The following GARNL3 variants were observed in gnomAD, a reference collection of about 807,000 sequenced individuals.
The protein encoded by GARNL3 is GTPase-activating Rap/Ran-GAP domain-like protein 3.
A neutral mutation model predicts 125.0 loss-of-function variants in GARNL3; 63 were observed. The ratio of observed to expected loss-of-function variants is 0.50; its 90% CI spans 0.41 to 0.62. GARNL3 has a LOEUF of 0.62. GARNL3 is among the 20% of genes least tolerant of loss of function. GARNL3 has a pLI of 0.00. For synonymous variants in GARNL3, 439 were observed against 457.5 expected, an observed-to-expected ratio of 0.96 and a Z score of 0.52; for missense variants, 994 against 1,244.0, an observed-to-expected ratio of 0.80 and a Z score of 3.02.
At chr9:127,299,716 A>G (rs1588795724) in intron 2 of GARNL3, among the ~76,000 whole-genome samples, 2 of 152,182 alleles carry the variant, frequency 1.3e-5, no homozygotes, top group Non-Finnish European at 2.9e-5. Context: ...GACTACAGGC[A>G]CCAGCCACCA....
chr9:127,270,007 C>A (rs909718643), intron 1 of GARNL3, among the ~76,000 whole-genome samples: 1 of 152,108 alleles, frequency 6.6e-6, no homozygotes, highest in Admixed American at 6.5e-5. Context: ...GAAATTATTG[C>A]TAAATTCAAT....
chr9:127,345,673 T>C lies in GARNL3; in HGVS notation c.1431+196T>C, dbSNP rs577935417. On this transcript the variant is annotated intron_variant, in intron 16 of 27. Transcript: ENST00000373387. ...GTGTTGCCATGGTATGCACATGCCT[T>C]CACCTGCTTCAATGGAGCAGAGCTG... Among the ~76,000 whole-genome samples, 4 of 152,334 alleles carry C rather than the reference T, an allele frequency of 2.6e-5. No homozygotes were observed. In the South Asian group the frequency reaches 8.3e-4, roughly 32 times the overall value.
At chr9:127,243,267 G>A in intron 2 of GARNL3, 1 of 1,365,896 alleles carries the variant, frequency 7.3e-7, no homozygotes. Context: ...AGTAAAAGAA[G>A]CATCATCTCA....
At chr9:127,267,942 C>T (rs2063738542) in intron 1 of GARNL3, among the ~76,000 whole-genome samples, 1 of 152,168 alleles carries the variant, frequency 6.6e-6, no homozygotes, top group African/African-American at 2.4e-5. Context: ...GAAGCTCGGC[C>T]ATTCATATCA....
At chr9:127,338,490 A>G (rs1167518889) in intron 12 of GARNL3, among the ~76,000 whole-genome samples, 2 of 152,214 alleles carry the variant, frequency 1.3e-5, no homozygotes, top group African/African-American at 4.8e-5. Context: ...TAATCTGTTA[A>G]AAGGTATTAT....
intron 4 of GARNL3, among the ~76,000 whole-genome samples, chr9:127,316,228 C>A (rs923731044): frequency 6.6e-6 from 1 of 152,146 alleles, no homozygotes; most frequent in Non-Finnish European, 1.5e-5. Context: ...TTCCCCCGAG[C>A]TGCCCTTGGC....
At chr9:127,331,722 T>TGC (rs1190049659) in intron 7 of GARNL3, among the ~76,000 whole-genome samples, 3 of 140,896 alleles carry the variant, frequency 2.1e-5, no homozygotes, top group African/African-American at 8.1e-5. Context: ...TGGGCTTGCT[T>TGC]TTTTTTTTTT....
Position 127,384,801 on chromosome 9 carries a change from T to C in GARNL3, c.2270-226T>C, listed in dbSNP as rs1293054293. ...AAAATGGCAGCAAGCATGGTGACAG[T>C]GCACACCTCCTGGGAGGCGCAGTGT... On this transcript the variant is annotated intron_variant, in intron 23 of 27. Transcript: ENST00000373387. The surrounding 1 kb of genome is among the most constrained non-coding windows in gnomAD (Gnocchi z 4.0). Among the ~76,000 whole-genome samples, 1 of 152,112 alleles carries C rather than the reference T, an allele frequency of 6.6e-6. No individual in the cohort carries two copies. Among genetic ancestry groups the C allele is most frequent in the Non-Finnish European group, 1.5e-5 (1 of 68,006 alleles).
At chr9:127,279,790 C>CA (rs936579792) in intron 1 of GARNL3, among the ~76,000 whole-genome samples, 1 of 152,012 alleles carries the variant, frequency 6.6e-6, no homozygotes, top group African/African-American at 2.4e-5. Context: ...TTACTTCAAA[C>CA]AAAAACAAAG....
At chr9:127,278,174 G>A (rs1405033875) in intron 1 of GARNL3, among the ~76,000 whole-genome samples, 1 of 152,126 alleles carries the variant, frequency 6.6e-6, no homozygotes, top group Admixed American at 6.5e-5. Flanking sequence ...GAAATATACT[G>A]AAAAGCACAG....
chr9:127,239,057 C>G (rs1046273274), intron 1 of GARNL3, among the ~76,000 whole-genome samples: 1 of 152,198 alleles, frequency 6.6e-6, no homozygotes, highest in African/African-American at 2.4e-5. Context: ...ATCAGTCCAC[C>G]CAATTACCTG....
chr9:127,321,869 A>G (rs2065415659), intron 6 of GARNL3, among the ~76,000 whole-genome samples: 2 of 152,204 alleles, frequency 1.3e-5, no homozygotes, highest in African/African-American at 4.8e-5. Flanking sequence ...GCTTTTAGGT[A>G]AATAGCAAGA....
At chr9:127,255,783 G>A (rs1297938556) in intron 2 of GARNL3, among the ~76,000 whole-genome samples, 1 of 152,122 alleles carries the variant, frequency 6.6e-6, no homozygotes, top group Non-Finnish European at 1.5e-5. Context: ...TTAGGTCTGG[G>A]GTGGGTCCTG....
intron 14 of GARNL3, 40 bp from the exon 15 acceptor site, chr9:127,344,195 C>T (rs1786761821): frequency 7.2e-7 from 1 of 1,394,058 alleles, no homozygotes; most frequent in Non-Finnish European, 1.0e-6. Flanking sequence ...TGAGACTTAA[C>T]AACTGTTTGT....
rs921532275 is a variant in GARNL3, at chr9:127,364,137, A to G, written c.2095-1163A>G. On this transcript the variant is annotated intron_variant, in intron 21 of 27. Transcript: ENST00000373387. This position sits in a 1 kb window ranked among gnomAD's most constrained non-coding sequence, Gnocchi z 4.2. The stretch of plus-strand genomic sequence containing the variant: ...CTACCTCCTGCTTTTAATGACTTGG[A>G]TGTGGAATCAGTTACATCTGAGAAC... 1.3e-5 allele frequency: 2 copies of G among 152,164 alleles called. No homozygotes were observed. Among genetic ancestry groups the G allele is most frequent in the African/African-American group, 4.8e-5 (2 of 41,402 alleles). The allele number at this position is 152,164 out of a possible 1,614,324, so 9.4% of individuals were successfully genotyped here. A position where few individuals can be genotyped will look rare whatever the true frequency, so the allele number is the denominator to read the frequency against.
intron 7 of GARNL3, 126 bp from the exon 8 acceptor site, chr9:127,332,144 TGGGA>T (rs1829294541): frequency 7.3e-6 from 5 of 686,176 alleles, no homozygotes; most frequent in Non-Finnish European, 1.3e-5. Context: ...CCCAGATGGA[TGGGA>T]GGAAGGGATC....
chr9:127,235,643 G>GT (rs554694287), intron 1 of GARNL3, among the ~76,000 whole-genome samples: 13 of 116,820 alleles, frequency 1.1e-4, no homozygotes, highest in Non-Finnish European at 1.6e-4. Flanking sequence ...TAGTTTTTTT[G>GT]TTTTTTTGTT....
chr9:127,314,873 G>T (rs2065196039), intron 4 of GARNL3, among the ~76,000 whole-genome samples: 1 of 152,196 alleles, frequency 6.6e-6, no homozygotes, highest in South Asian at 2.1e-4. Flanking sequence ...TCCTGAGGCG[G>T]CGCCCAGGAA....
chr9:127,341,135 C>G lies in GARNL3; in HGVS notation c.1136-1084C>G, dbSNP rs2131606029. On this transcript the variant is annotated intron_variant, in intron 13 of 27. Transcript: ENST00000373387. Reference sequence around the variant, plus strand: ...GCGTTGTTACCTCCCATACTCCAACCTATACCAGGGTCCATGGGTGATGTC... The same window carrying G: ...GCGTTGTTACCTCCCATACTCCAACGTATACCAGGGTCCATGGGTGATGTC... Among the ~76,000 whole-genome samples the G allele has an allele frequency of 1.3e-5, 2 of 152,368 alleles. 1 individual carries two copies. The highest frequency in any genetic ancestry group is 4.1e-4 in the South Asian group (2 of 4,832).
Sources: allele counts gnomAD v4.1 joint callset (sites outside exome capture counted in the v4.1 genomes callset), GRCh38; gene constraint gnomAD v4.1.1; non-coding constraint Gnocchi (gnomAD v3.1); transcripts MANE v1.5; gene names NCBI Gene and HGNC (gene_info 2026-07-23, HGNC 2026-07-21).